Variants in IFNA2 observed in about 807,000 individuals in gnomAD.
IFNA2 encodes the protein interferon alpha-2.
For missense variants in IFNA2, 260 were observed against 210.3 expected, an observed-to-expected ratio of 1.24 and a Z score of -1.46; for synonymous variants, 91 against 80.7, an observed-to-expected ratio of 1.13 and a Z score of -0.68.
rs1820866008 is a variant in IFNA2 at position 21,385,097 on chromosome 9, A to G, written c.233T>C (p.Val78Ala). 1 of 1,613,862 alleles carries G rather than the reference A, an allele frequency of 6.2e-7. No individual in the cohort carries two copies. The change falls in exon 1 of 1, where the codon GTC becomes GCC. Residue 78 changes from valine to alanine, a missense_variant. Val to Ala is a moderately conservative substitution (Grantham distance 64, BLOSUM62 0). Coordinates refer to ENST00000380206, the MANE Select transcript of IFNA2 (RefSeq NM_000605.4). ...GATCTGCTGGATCATCTCATGGAGG[A>G]CAGGGATGGTTTCAGCCTTTTGGAA... The part of the protein sequence containing the change: ...NQFQKAETIP[V>A]LHEMIQQIFN...
rs1379072166 is a variant in IFNA2 at position 21,385,224 on chromosome 9, T to G, written c.106A>C (p.Arg36=). The change falls in exon 1 of 1, where the codon AGG becomes CGG. Residue 36 remains arginine (R), a synonymous_variant. Coordinates refer to ENST00000380206, the MANE Select transcript of IFNA2 (RefSeq NM_000605.4). ...LPQTHSLGSR[R]TLMLLAQMRR... ...ATCTGTGCCAGGAGCATCAAGGTCCTCCTGCTACCCAGGCTGTGGGTTTGA... is the reference window on the plus strand; with the variant it reads ...ATCTGTGCCAGGAGCATCAAGGTCCGCCTGCTACCCAGGCTGTGGGTTTGA... 4 of 1,613,896 alleles carry G rather than the reference T, an allele frequency of 2.5e-6. No individual in the cohort carries two copies. In the East Asian group the frequency reaches 8.9e-5, roughly 36 times the overall value.
At position 21,384,770 on chromosome 9, in the gene IFNA2, T is replaced by G; in HGVS notation, c.560A>C (p.Lys187Thr). 6.2e-7 allele frequency: 1 copy of G among 1,605,808 alleles called. No homozygotes were observed. Among genetic ancestry groups the G allele is most frequent in the Non-Finnish European group, 8.5e-7 (1 of 1,176,206 alleles). ...TCCATGTTGAACCAGTTTTCATTCC[T>G]TACTTCTTAAACTTTCTTGCAAGTT... ...STNLQESLRSKE is the reference protein window; with the variant it reads ...STNLQESLRSTE Residue 187 changes from lysine (K) to threonine (T), a missense_variant, in exon 1 of 1, where the codon AAG (lysine) becomes ACG (threonine). Coordinates refer to ENST00000380206, the MANE Select transcript of IFNA2 (RefSeq NM_000605.4).
Position 21,384,457 on chromosome 9 carries a change from TA to T in IFNA2, c.*305del, listed in dbSNP as rs1351726455. ...ACCAAATACAAAGAACATATTTTAT[TA>T]CATTAACCACTGTGCAAAGGTGCAC... On this transcript the variant is annotated 3_prime_UTR_variant, in exon 1 of 1. Transcript: ENST00000380206. 6.5e-6 allele frequency: 1 copy of T among 152,828 alleles called. No homozygotes were observed. Among genetic ancestry groups the T allele is most frequent in the Non-Finnish European group, 1.5e-5 (1 of 68,502 alleles). The allele number at this position is 152,828 out of a possible 1,614,324, so 9.5% of individuals were successfully genotyped here.
At position 21,385,339 on chromosome 9, in the gene IFNA2, T is replaced by G. The variant is rs749024468; in HGVS notation, c.-10A>C. On this transcript the variant is annotated 5_prime_UTR_variant, in exon 1 of 1. Transcript: ENST00000380206. ...CAAAGGTCAAGGCCATTGTAGATGT[T>G]GCAGATGCTGCTAGACTGGTTGAAA... 2.2e-5 allele frequency: 35 copies of G among 1,601,690 alleles called. 1 individual carries two copies. In the Admixed American group the frequency reaches 6.0e-4, roughly 28 times the overall value.
chr9:21,384,965 A>C lies in IFNA2; in HGVS notation c.365T>G (p.Val122Gly), dbSNP rs546701240. The C allele has an allele frequency of 6.2e-7, 1 of 1,613,900 alleles. No individual in the cohort carries two copies. Among genetic ancestry groups the C allele is most frequent in the East Asian group, 2.2e-5 (1 of 44,876 alleles). Residue 122 changes from valine (V) to glycine (G), a missense_variant, in exon 1 of 1, where the codon GTG becomes GGG. Val to Gly is a moderately radical substitution (Grantham distance 109, BLOSUM62 -3). Coordinates refer to ENST00000380206, the MANE Select transcript of IFNA2 (RefSeq NM_000605.4). ...CTCTGTCACCCCCACCCCCTGTATC[A>C]CACAGGCTTCCAGGTCATTCAGCTG... ...YQQLNDLEAC[V>G]IQGVGVTETP... is the part of the protein sequence containing the mutation.
rs1486789445 is a variant in IFNA2, at chr9:21,385,240, G to A, written c.90C>T (p.His30=). The A allele has an allele frequency of 3.7e-6, 6 of 1,613,908 alleles. No individual in the cohort carries two copies. Among genetic ancestry groups the A allele is most frequent in the Non-Finnish European group, 4.2e-6 (5 of 1,180,000 alleles). The change falls in exon 1 of 1, where the codon CAC becomes CAT. Residue 30 remains histidine (H), a synonymous_variant. Transcript: ENST00000380206. ...CSVGCDLPQT[H]SLGSRRTLML... ...TCAAGGTCCTCCTGCTACCCAGGCT[G>A]TGGGTTTGAGGCAGATCACAGCCCA...
chr9:21,385,217 A>G lies in IFNA2; in HGVS notation c.113T>C (p.Leu38Ser), dbSNP rs780287380. 2.5e-5 allele frequency: 41 copies of G among 1,613,884 alleles called. No homozygotes were observed. In the Admixed American group the frequency reaches 6.2e-4, roughly 24 times the overall value. ...QTHSLGSRRT[L>S]MLLAQMRRIS... The stretch of plus-strand genomic sequence containing the variant: ...TCTCCTCATCTGTGCCAGGAGCATC[A>G]AGGTCCTCCTGCTACCCAGGCTGTG... The change falls in exon 1 of 1, where the codon TTG becomes TCG. Residue 38 changes from leucine to serine, a missense_variant. By Grantham distance (145) the Leu-to-Ser change is moderately radical. Transcript: ENST00000380206.
Position 21,385,220 on chromosome 9 carries a change from G to A in IFNA2, c.110C>T (p.Thr37Ile), listed in dbSNP as rs1450987486. 2 of 1,613,946 alleles carry A rather than the reference G, an allele frequency of 1.2e-6. No homozygotes were observed. Among genetic ancestry groups the A allele is most frequent in the East Asian group, 2.2e-5 (1 of 44,866 alleles). ...PQTHSLGSRRTLMLLAQMRRI... is the reference protein window; with the variant it reads ...PQTHSLGSRRILMLLAQMRRI... The stretch of plus-strand genomic sequence containing the variant: ...CCTCATCTGTGCCAGGAGCATCAAG[G>A]TCCTCCTGCTACCCAGGCTGTGGGT... The change falls in exon 1 of 1, where the codon ACC (threonine) becomes ATC (isoleucine). Residue 37 changes from threonine to isoleucine, a missense_variant. By Grantham distance (89) the Thr-to-Ile change is moderately conservative (BLOSUM62 -1). Coordinates refer to ENST00000380206, the MANE Select transcript of IFNA2 (RefSeq NM_000605.4).
At position 21,385,114 on chromosome 9, in the gene IFNA2, C is replaced by T. The variant is rs1820866422; in HGVS notation, c.216G>A (p.Lys72=). ...PQEEFGNQFQ[K]AETIPVLHEM... ...CATGGAGGACAGGGATGGTTTCAGC[C>T]TTTTGGAACTGGTTGCCAAACTCCT... Residue 72 remains lysine, a synonymous_variant, in exon 1 of 1, where the codon AAG becomes AAA. Coordinates refer to ENST00000380206, the MANE Select transcript of IFNA2 (RefSeq NM_000605.4). The T allele has an allele frequency of 6.2e-7, 1 of 1,613,940 alleles. No homozygotes were observed. Among genetic ancestry groups the T allele is most frequent in the Non-Finnish European group, 8.5e-7 (1 of 1,179,990 alleles).
chr9:21,385,001 T>A lies in IFNA2; in HGVS notation c.329A>T (p.Glu110Val). Residue 110 changes from glutamate (E) to valine (V), a missense_variant, in exon 1 of 1, where the codon GAA (glutamate) becomes GTA (valine). By Grantham distance (121) the Glu-to-Val change is moderately radical. Coordinates refer to ENST00000380206, the MANE Select transcript of IFNA2 (RefSeq NM_000605.4). ...DETLLDKFYT[E>V]LYQQLNDLEA... Reference sequence around the variant, plus strand: ...CAGGTCATTCAGCTGCTGGTAGAGTTCAGTGTAGAATTTGTCTAGGAGGGT... The same window carrying A: ...CAGGTCATTCAGCTGCTGGTAGAGTACAGTGTAGAATTTGTCTAGGAGGGT... 1 of 1,613,888 alleles carries A rather than the reference T, an allele frequency of 6.2e-7. No individual in the cohort carries two copies. The highest frequency in any genetic ancestry group is 1.1e-5 in the South Asian group (1 of 91,052).
rs758264306 is a variant in IFNA2, at chr9:21,385,225, C to T, written c.105G>A (p.Arg35=). 4 of 1,613,876 alleles carry T rather than the reference C, an allele frequency of 2.5e-6. No individual in the cohort carries two copies. Among genetic ancestry groups the T allele is most frequent in the Admixed American group, 3.3e-5 (2 of 59,960 alleles). Residue 35 remains arginine, a synonymous_variant, in exon 1 of 1, where the codon AGG becomes AGA. Coordinates refer to ENST00000380206, the MANE Select transcript of IFNA2 (RefSeq NM_000605.4). Reference sequence around the variant, plus strand: ...TCTGTGCCAGGAGCATCAAGGTCCTCCTGCTACCCAGGCTGTGGGTTTGAG... The same window carrying T: ...TCTGTGCCAGGAGCATCAAGGTCCTTCTGCTACCCAGGCTGTGGGTTTGAG... ...DLPQTHSLGS[R]RTLMLLAQMR...
Position 21,384,568 on chromosome 9 carries a change from A to C in IFNA2, c.*195T>G, listed in dbSNP as rs1403778030. On this transcript the variant is annotated 3_prime_UTR_variant, in exon 1 of 1. Coordinates refer to ENST00000380206, the MANE Select transcript of IFNA2 (RefSeq NM_000605.4). Reference sequence around the variant, plus strand: ...AAAATATTTAAATAGATAATGGATCAGTCAGCATGGTCCTCTGTAAGGGAC... The same window carrying C: ...AAAATATTTAAATAGATAATGGATCCGTCAGCATGGTCCTCTGTAAGGGAC... 3.4e-6 allele frequency: 1 copy of C among 295,192 alleles called. No homozygotes were observed. The highest frequency in any genetic ancestry group is 6.2e-6 in the Non-Finnish European group (1 of 162,036). The allele number at this position is 295,192 out of a possible 1,614,324, so 18.3% of individuals were successfully genotyped here. A position where few individuals can be genotyped will look rare whatever the true frequency, so the allele number is the denominator to read the frequency against.
At position 21,385,281 on chromosome 9, in the gene IFNA2, T is replaced by G. The variant is rs1321766338; in HGVS notation, c.49A>C (p.Lys17Gln). 1 of 1,613,682 alleles carries G rather than the reference T, an allele frequency of 6.2e-7. No homozygotes were observed. The highest frequency in any genetic ancestry group is 1.7e-5 in the Admixed American group (1 of 59,928). Residue 17 changes from lysine (K) to glutamine (Q), a missense_variant, in exon 1 of 1, where the codon AAG becomes CAG. Lys to Gln is a moderately conservative substitution (Grantham distance 53). Transcript: ENST00000380206. ...TCACAGCCCACAGAGCAGCTTGACTTGCAGCTGAGCACCAGGAGGGCCACC... is the reference window on the plus strand; with the variant it reads ...TCACAGCCCACAGAGCAGCTTGACTGGCAGCTGAGCACCAGGAGGGCCACC... ...LLVALLVLSCKSSCSVGCDLP... is the reference protein window; with the variant it reads ...LLVALLVLSCQSSCSVGCDLP...
chr9:21,385,233 C>A lies in IFNA2; in HGVS notation c.97G>T (p.Gly33Cys), dbSNP rs1245125671. The A allele has an allele frequency of 1.2e-6, 2 of 1,613,956 alleles. No individual in the cohort carries two copies. Among genetic ancestry groups the A allele is most frequent in the Non-Finnish European group, 1.7e-6 (2 of 1,179,978 alleles). The change falls in exon 1 of 1, where the codon GGT becomes TGT. Residue 33 changes from glycine (G) to cysteine (C), a missense_variant. Coordinates refer to ENST00000380206, the MANE Select transcript of IFNA2 (RefSeq NM_000605.4). Reference protein sequence around the residue: ...GCDLPQTHSLGSRRTLMLLAQ... With the variant: ...GCDLPQTHSLCSRRTLMLLAQ... ...AGGAGCATCAAGGTCCTCCTGCTAC[C>A]CAGGCTGTGGGTTTGAGGCAGATCA... is the stretch of plus-strand genomic sequence containing the variant.
At position 21,384,906 on chromosome 9, in the gene IFNA2, C is replaced by T. The variant is rs1820861407; in HGVS notation, c.424G>A (p.Val142Met). The T allele has an allele frequency of 6.2e-7, 1 of 1,613,950 alleles. No homozygotes were observed. Among genetic ancestry groups the T allele is most frequent in the South Asian group, 1.1e-5 (1 of 91,084 alleles). ...GTGATTCTTTGGAAGTATTTCCTCA[C>T]AGCCAGAATGGAGTCCTCCTTCATC... Reference protein sequence around the residue: ...PLMKEDSILAVRKYFQRITLY... With the variant: ...PLMKEDSILAMRKYFQRITLY... The change falls in exon 1 of 1, where the codon GTG (valine) becomes ATG (methionine). Residue 142 changes from valine to methionine, a missense_variant. Physicochemically the swap from Val to Met is conservative, Grantham distance 21 (BLOSUM62 1). Coordinates refer to ENST00000380206, the MANE Select transcript of IFNA2 (RefSeq NM_000605.4).
rs1820871012 is a variant in IFNA2, at chr9:21,385,315, AAAGGTC to A, written c.9_14del (p.Leu3_Thr4del). The A allele has an allele frequency of 6.2e-7, 1 of 1,612,166 alleles. No individual in the cohort carries two copies. The highest frequency in any genetic ancestry group is 1.3e-5 in the African/African-American group (1 of 74,846). ...GCACCAGGAGGGCCACCAGTAAAGC[AAAGGTC>A]AAGGCCATTGTAGATGTTGCAGATG... On this transcript the variant is annotated inframe_deletion, in exon 1 of 1. Transcript: ENST00000380206.
In IFNA2 at chr9:21,384,813, A is replaced by T. The variant is rs1820858958; in HGVS notation, c.517T>A (p.Ser173Thr). 6.2e-6 allele frequency: 10 copies of T among 1,613,234 alleles called. No individual in the cohort carries two copies. The highest frequency in any genetic ancestry group is 1.7e-4 in the Middle Eastern group (1 of 6,050). Residue 173 changes from serine (S) to threonine (T), a missense_variant, in exon 1 of 1, where the codon TCT becomes ACT. Ser to Thr is a moderately conservative substitution (Grantham distance 58, BLOSUM62 1). Transcript: ENST00000380206. ...TGCAAGTTTGTTGACAAAGAAAAAGATCTCATGATTTCTGCTCTGACAACC... is the reference window on the plus strand; with the variant it reads ...TGCAAGTTTGTTGACAAAGAAAAAGTTCTCATGATTTCTGCTCTGACAACC... Reference protein sequence around the residue: ...WEVVRAEIMRSFSLSTNLQES... With the variant: ...WEVVRAEIMRTFSLSTNLQES...
Position 21,384,406 on chromosome 9 carries a change from T to C in IFNA2, c.*357A>G, listed in dbSNP as rs146075528. 1,145 of 152,694 alleles carry C rather than the reference T, an allele frequency of 7.5e-3. 23 individuals are homozygous for C. The highest frequency in any genetic ancestry group is 0.042 in the Admixed American group (639 of 15,304). The allele number at this position is 152,694 out of a possible 1,614,324, so 9.5% of individuals were successfully genotyped here. A position where few individuals can be genotyped will look rare whatever the true frequency, so the allele number is the denominator to read the frequency against. On this transcript the variant is annotated 3_prime_UTR_variant, in exon 1 of 1. Transcript: ENST00000380206. ...AGTACAAAAGTTTCCATAGCAAAAG[T>C]TCAATGAACAACACAAAATAAATTT...
At position 21,385,133 on chromosome 9, in the gene IFNA2, A is replaced by T. The variant is rs1349483400; in HGVS notation, c.197T>A (p.Phe66Tyr). The T allele has an allele frequency of 1.2e-6, 2 of 1,613,910 alleles. No homozygotes were observed. The highest frequency in any genetic ancestry group is 3.3e-5 in the Admixed American group (2 of 59,980). The change falls in exon 1 of 1, where the codon TTT (phenylalanine) becomes TAT (tyrosine). Residue 66 changes from phenylalanine (F) to tyrosine (Y), a missense_variant. By Grantham distance (22) the Phe-to-Tyr change is conservative. Transcript: ENST00000380206. ...RHDFGFPQEEFGNQFQKAETI... is the reference protein window; with the variant it reads ...RHDFGFPQEEYGNQFQKAETI... ...TTCAGCCTTTTGGAACTGGTTGCCA[A>T]ACTCCTCCTGGGGAAATCCAAAGTC...
Sources: allele counts gnomAD v4.1 joint callset, GRCh38; gene constraint gnomAD v4.1.1; transcripts MANE v1.5; gene names NCBI Gene and HGNC (gene_info 2026-07-23, HGNC 2026-07-21).